Variants in NKD2 observed in about 807,000 individuals in gnomAD.
The protein encoded by NKD2 is NKD inhibitor of Wnt signaling pathway 2.
Under a neutral mutation model 34.8 loss-of-function variants are expected in NKD2, and 43 were observed. The observed-to-expected ratio is 1.24, with a 90% CI of 0.97 to 1.60. NKD2 has a LOEUF of 1.60. Among genes scored for constraint, NKD2 ranks in the 40% most tolerant of loss-of-function variants. NKD2 has a pLI of 0.00. For missense variants in NKD2, 675 were observed against 627.1 expected (o/e 1.08, Z -0.82); for synonymous variants, 278 against 265.1 (o/e 1.05, Z -0.47).
chr5:1,026,961 AT>A (rs1198768876), intron 3 of NKD2, among the ~76,000 whole-genome samples: 4 of 152,224 alleles, frequency 2.6e-5, no homozygotes, highest in African/African-American at 9.6e-5. Flanking sequence ...CAGCCCCGTA[AT>A]TCTGGCAGCC....
Position 1,038,248 on chromosome 5 carries a change from G to A in NKD2, c.1231G>A (p.Val411Met). The A allele has an allele frequency of 6.3e-7, 1 of 1,587,040 alleles. No individual in the cohort carries two copies. The highest frequency in any genetic ancestry group is 8.5e-7 in the Non-Finnish European group (1 of 1,169,824). Residue 411 changes from valine to methionine, a missense_variant, in exon 10 of 10, where the codon GTG (valine) becomes ATG (methionine). Transcript: ENST00000296849. The surrounding 1 kb of genome is among the most constrained non-coding windows in gnomAD (Gnocchi z 4.5). ...AQPATVEHEV[V>M]RDLPPTPAGE... ...GCCTGCCACAGTGGAGCACGAGGTG[G>A]TGCGGGACCTGCCGCCCACGCCAGC...
chr5:1,038,521 G>GTTT lies in NKD2; in HGVS notation c.*148_*149insTTT. On this transcript the variant is annotated 3_prime_UTR_variant, in exon 10 of 10. Transcript: ENST00000296849. This position sits in a 1 kb window ranked among gnomAD's most constrained non-coding sequence, Gnocchi z 4.5. ...CAAACAGCAACTGACTGCAGGTGCTGGCATGATGGAGGTGGTGCACCTTGG... is the reference window on the plus strand; with the variant it reads ...CAAACAGCAACTGACTGCAGGTGCTGTTTGCATGATGGAGGTGGTGCACCTTGG... The GTTT allele has an allele frequency of 6.7e-7, 1 of 1,490,212 alleles. No homozygotes were observed. Among genetic ancestry groups the GTTT allele is most frequent in the Non-Finnish European group, 9.0e-7 (1 of 1,107,218 alleles). The allele number at this position is 1,490,212 out of a possible 1,614,324, so 92.3% of individuals were successfully genotyped here. A position where few individuals can be genotyped will look rare whatever the true frequency, so the allele number is the denominator to read the frequency against.
intron 3 of NKD2, among the ~76,000 whole-genome samples, chr5:1,029,899 G>T (rs1324760032): frequency 6.6e-6 from 1 of 152,014 alleles, no homozygotes; most frequent in African/African-American, 2.4e-5. Context: ...AGGCCCCAGG[G>T]CACCTCACTG....
chr5:1,025,850 C>T (rs1756369291), intron 3 of NKD2, among the ~76,000 whole-genome samples: 2 of 101,836 alleles, frequency 2.0e-5, no homozygotes, highest in African/African-American at 3.7e-5. Context: ...CCCGTTGTCC[C>T]TGCTCTTCCC....
At chr5:1,022,022 C>T (rs1756212547) in intron 3 of NKD2, among the ~76,000 whole-genome samples, 1 of 151,892 alleles carries the variant, frequency 6.6e-6, no homozygotes, top group African/African-American at 2.4e-5. Flanking sequence ...TCCACCTTGT[C>T]TCATAAGGTG....
intron 3 of NKD2, among the ~76,000 whole-genome samples, chr5:1,027,036 A>G (rs10040050): frequency 0.092 from 13,940 of 152,278 alleles, 929 homozygotes; most frequent in African/African-American, 0.18. Context: ...AGGGGTGGTG[A>G]CAATGACCAC....
intron 3 of NKD2, among the ~76,000 whole-genome samples, chr5:1,017,557 G>C (rs1049637023): frequency 5.9e-5 from 9 of 152,224 alleles, no homozygotes; most frequent in East Asian, 1.9e-4. Flanking sequence ...CTGCACCTCT[G>C]TTTGTCACAG....
intron 3 of NKD2, among the ~76,000 whole-genome samples, chr5:1,014,126 T>C (rs1281721893): frequency 6.6e-6 from 1 of 152,210 alleles, no homozygotes; most frequent in African/African-American, 2.4e-5. Context: ...TGCACCCTGT[T>C]CTCCTCAGTG....
intron 3 of NKD2, among the ~76,000 whole-genome samples, chr5:1,020,662 T>G (rs1756139579): frequency 6.7e-6 from 1 of 150,210 alleles, no homozygotes; most frequent in Non-Finnish European, 1.5e-5. Context: ...GACCACGTGT[T>G]GCTTGTCTTT....
In NKD2 at chr5:1,029,012, G is replaced by A. The variant is rs11953720; in HGVS notation, c.142-3140G>A. Among the ~76,000 whole-genome samples the A allele has an allele frequency of 7.9e-3, 1,197 of 152,346 alleles. 13 individuals carry two copies. The highest frequency in any genetic ancestry group is 0.027 in the African/African-American group (1,137 of 41,576). ...TGCACATCTGGCCAGCGGCCCGGGG[G>A]CAGGTTTTATAAGTTGCAATTAAAG... On this transcript the variant is annotated intron_variant, in intron 3 of 9. Transcript: ENST00000296849.
Position 1,038,221 on chromosome 5 carries a change from C to T in NKD2, c.1204C>T (p.Gln402Ter). 6.3e-7 allele frequency: 1 copy of T among 1,591,076 alleles called. No homozygotes were observed. The highest frequency in any genetic ancestry group is 8.5e-7 in the Non-Finnish European group (1 of 1,171,226). ...CTCGCCACTCAAGGCCCCACACGCT[C>T]AGCCTGCCACAGTGGAGCACGAGGT... Reference protein sequence around the residue: ...GHSPLKAPHAQPATVEHEVVR... With the variant: ...GHSPLKAPHA Residue 402 changes from glutamine (Q) to a stop codon, truncating the protein, a stop_gained, in exon 10 of 10, where the codon CAG becomes TAG. Coordinates refer to ENST00000296849, the MANE Select transcript of NKD2 (RefSeq NM_033120.4). LOFTEE classifies it low-confidence loss of function (END_TRUNC). This position sits in a 1 kb window ranked among gnomAD's most constrained non-coding sequence, Gnocchi z 4.5.
chr5:1,011,567 G>A (rs919935060), intron 3 of NKD2, among the ~76,000 whole-genome samples: 2 of 152,214 alleles, frequency 1.3e-5, no homozygotes, highest in African/African-American at 2.4e-5. Flanking sequence ...CCAGCGAGGG[G>A]ACTCACTCCT....
At chr5:1,032,299 A>C in intron 4 of NKD2, 87 bp downstream of exon 4, 7 of 1,038,570 alleles carry the variant, frequency 6.7e-6, no homozygotes, top group Non-Finnish European at 8.9e-6. Flanking sequence ...CCTTAAAACA[A>C]CCCCGTGTGC....
chr5:1,038,748 G>A lies in NKD2; in HGVS notation c.*375G>A. 1 of 501,352 alleles carries A rather than the reference G, an allele frequency of 2.0e-6. No individual in the cohort carries two copies. Among genetic ancestry groups the A allele is most frequent in the Admixed American group, 3.2e-5 (1 of 30,934 alleles). The allele number at this position is 501,352 out of a possible 1,614,324, so 31.1% of individuals were successfully genotyped here. A position where few individuals can be genotyped will look rare whatever the true frequency, so the allele number is the denominator to read the frequency against. On this transcript the variant is annotated 3_prime_UTR_variant, in exon 10 of 10. Transcript: ENST00000296849. This position sits in a 1 kb window ranked among gnomAD's most constrained non-coding sequence, Gnocchi z 4.5. ...GTGGGTGTTCCTCCCGGGGCTTCAA[G>A]GGGTGACTGCTGTAGGCTGTCCCAG...
Position 1,038,131 on chromosome 5 carries a change from C to G in NKD2, c.1114C>G (p.Leu372Val). The change falls in exon 10 of 10, where the codon CTC becomes GTC. Residue 372 changes from leucine (L) to valine (V), a missense_variant. Physicochemically the swap from Leu to Val is conservative, Grantham distance 32. Transcript: ENST00000296849. This position sits in a 1 kb window ranked among gnomAD's most constrained non-coding sequence, Gnocchi z 4.5. ...CCAGGCCCCTCAGGACGGCCACCAC[C>G]TCCCGCAGCCCCCACCGCCACCCTA... is the stretch of plus-strand genomic sequence containing the variant. ...PPQAPQDGHH[L>V]PQPPPPPYGH... The G allele has an allele frequency of 1.3e-6, 2 of 1,589,888 alleles. No individual in the cohort carries two copies.
At chr5:1,016,272 TGATGG>T (rs892982670) in intron 3 of NKD2, among the ~76,000 whole-genome samples, 26 of 152,364 alleles carry the variant, frequency 1.7e-4, no homozygotes, top group African/African-American at 5.3e-4. Context: ...CCATGCTGGC[TGATGG>T]GAGCTTTAAT....
In NKD2 at chr5:1,037,865, G is replaced by T. The variant is rs201232442; in HGVS notation, c.848G>T (p.Arg283Leu). ...PQGRASHLQA[R>L]SRSQEPDTHA... The stretch of plus-strand genomic sequence containing the variant: ...GGCAGGGCCTCGCACCTCCAGGCCC[G>T]GTCCCGCTCCCAGGAGCCAGATACA... Residue 283 changes from arginine to leucine, a missense_variant, in exon 10 of 10, where the codon CGG becomes CTG. Transcript: ENST00000296849. The T allele has an allele frequency of 6.9e-6, 11 of 1,601,374 alleles. No individual in the cohort carries two copies. The highest frequency in any genetic ancestry group is 7.6e-6 in the Non-Finnish European group (9 of 1,177,548).
intron 3 of NKD2, among the ~76,000 whole-genome samples, chr5:1,026,820 G>C (rs1480809091): frequency 6.6e-6 from 1 of 152,274 alleles, no homozygotes; most frequent in Non-Finnish European, 1.5e-5. Context: ...GTCCTGCCCA[G>C]CCGCATCCCA....
chr5:1,022,675 T>C (rs373324985), intron 3 of NKD2, among the ~76,000 whole-genome samples: 74 of 6,678 alleles, frequency 0.011, no homozygotes, highest in Middle Eastern at 0.17. Context: ...TGTGGGCGTC[T>C]CAGCCCGTTG....
Sources: gnomAD v4.1 joint callset for allele counts (sites outside exome capture counted in the v4.1 genomes callset) on GRCh38, gnomAD v4.1.1 for gene constraint, Gnocchi (gnomAD v3.1) non-coding constraint, MANE v1.5 for transcripts, NCBI Gene and HGNC (gene_info 2026-07-23, HGNC 2026-07-21) for gene names.